Variants in IL1RAPL1 observed in about 807,000 individuals in gnomAD.
The protein encoded by IL1RAPL1 is interleukin 1 receptor accessory protein like 1.
IL1RAPL1 carries 3 observed loss-of-function variants against 48.4 expected under a neutral mutation model. That is an observed-to-expected ratio of 0.06 (90% CI 0.03 to 0.16). IL1RAPL1 has a LOEUF of 0.16. Among genes scored for constraint, IL1RAPL1 ranks in the 10% least tolerant of loss-of-function variants. The pLI, the probability that IL1RAPL1 is intolerant of heterozygous loss-of-function variation, is 1.00. For missense variants in IL1RAPL1, 349 were observed against 530.6 expected (o/e 0.66, Z 3.36); for synonymous variants, 185 against 187.7 (o/e 0.99, Z 0.12).
intron 6 of IL1RAPL1, among the ~76,000 whole-genome samples, chrX:29,721,154 A>G (rs1179983678): frequency 9.3e-6 from 1 of 107,626 alleles, no homozygotes; most frequent in South Asian, 3.7e-4. Context: ...AAGCAAGAAC[A>G]CAATGACCGG....
chrX:28,969,722 G>T (rs888674160), intron 2 of IL1RAPL1, among the ~76,000 whole-genome samples: 1 of 108,553 alleles, frequency 9.2e-6, no homozygotes, highest in Non-Finnish European at 1.9e-5. Flanking sequence ...CTAAGAAATT[G>T]TATTCTTAGA....
At chrX:28,892,078 A>G (rs1370680916) in intron 2 of IL1RAPL1, among the ~76,000 whole-genome samples, 1 of 111,147 alleles carries the variant, frequency 9.0e-6, no homozygotes, top group Non-Finnish European at 1.9e-5. Flanking sequence ...CTGTGCTATT[A>G]TTGAATTATA....
rs187541532 is a variant in IL1RAPL1 at position 29,207,115 on chromosome X, G to A, written c.83-75823G>A. 3.3e-4 allele frequency among the ~76,000 whole-genome samples: 37 copies of A among 110,930 alleles called. No individual in the cohort carries two copies. The East Asian group carries it at 8.0e-3, about 24-fold the overall frequency. ...ATTGAAAGAGGGAATGGTACTGCAC[G>A]GCTAAATTTCAAAATTTTGTTCTGT... On this transcript the variant is annotated intron_variant, in intron 2 of 10. Coordinates refer to ENST00000378993, the MANE Select transcript of IL1RAPL1 (RefSeq NM_014271.4).
intron 3 of IL1RAPL1, among the ~76,000 whole-genome samples, chrX:29,323,754 T>A (rs1256579315): frequency 9.7e-5 from 4 of 41,069 alleles, no homozygotes; most frequent in African/African-American, 3.8e-4. Context: ...TATATATATA[T>A]ATATATATAT....
intron 5 of IL1RAPL1, among the ~76,000 whole-genome samples, chrX:29,634,062 A>G (rs1172864206): frequency 8.9e-6 from 1 of 112,001 alleles, no homozygotes; most frequent in African/African-American, 3.2e-5. Context: ...AAGAAGATTT[A>G]AGAAGGGTTA....
At chrX:29,648,370 G>T (rs1387723450) in intron 5 of IL1RAPL1, among the ~76,000 whole-genome samples, 2 of 111,826 alleles carry the variant, frequency 1.8e-5, no homozygotes, top group African/African-American at 3.3e-5. Flanking sequence ...CATGATTCAG[G>T]ATGGGTCCCA....
chrX:29,721,670 T>G (rs1426172283), intron 6 of IL1RAPL1, among the ~76,000 whole-genome samples: 1 of 111,749 alleles, frequency 8.9e-6, no homozygotes, highest in East Asian at 2.8e-4. Flanking sequence ...AATTTCACTC[T>G]TAAGTCACAA....
intron 6 of IL1RAPL1, among the ~76,000 whole-genome samples, chrX:29,871,066 C>A (rs1931789685): frequency 8.9e-6 from 1 of 112,131 alleles, no homozygotes; most frequent in East Asian, 2.8e-4. Context: ...CTTGCCTTTT[C>A]TAAATTTTAG....
intron 1 of IL1RAPL1, among the ~76,000 whole-genome samples, chrX:28,784,330 A>G (rs1936453081): frequency 8.9e-6 from 1 of 112,290 alleles, no homozygotes; most frequent in Non-Finnish European, 1.9e-5. Context: ...TAGTAATGGC[A>G]AAACTTTAAA....
chrX:29,723,737 T>C (rs1265346355), intron 6 of IL1RAPL1, among the ~76,000 whole-genome samples: 18 of 112,450 alleles, frequency 1.6e-4, no homozygotes, highest in Admixed American at 1.5e-3. Context: ...AGTAATGAAG[T>C]AGATAAACTT....
At chrX:29,520,074 C>T (rs367557829) in intron 5 of IL1RAPL1, among the ~76,000 whole-genome samples, 2 of 112,266 alleles carry the variant, frequency 1.8e-5, no homozygotes, top group Non-Finnish European at 3.8e-5. Context: ...ATTTCTACAA[C>T]AGTGCCTGGC....
Position 28,750,014 on chromosome X carries a change from A to ACGAT in IL1RAPL1, c.-24-39304_-24-39301dup, listed in dbSNP as rs1031573883. 4.6e-5 allele frequency among the ~76,000 whole-genome samples: 5 copies of ACGAT among 108,060 alleles called. No individual in the cohort carries two copies. The East Asian group carries it at 1.2e-3, about 25-fold the overall frequency. The allele number at this position is 108,060 out of a possible 115,157, so 93.8% of individuals were successfully genotyped here. A position where few individuals can be genotyped will look rare whatever the true frequency, so the allele number is the denominator to read the frequency against. On this transcript the variant is annotated intron_variant, in intron 1 of 10. Transcript: ENST00000378993. The stretch of plus-strand genomic sequence containing the variant: ...GTTACCCAGGCTGGAGTGCAGTGAC[A>ACGAT]CGATCTCTGCTTACTGCAACCTCCG...
intron 2 of IL1RAPL1, among the ~76,000 whole-genome samples, chrX:29,076,713 ATACT>A (rs774586660): frequency 5.9e-4 from 65 of 110,934 alleles, no homozygotes; most frequent in Admixed American, 8.7e-4. Flanking sequence ...AAATACGAAA[ATACT>A]TACCATTCTG....
intron 6 of IL1RAPL1, among the ~76,000 whole-genome samples, chrX:29,879,424 A>C (rs1402417768): frequency 1.9e-5 from 2 of 105,597 alleles, no homozygotes; most frequent in Admixed American, 2.1e-4. Flanking sequence ...ATTTGTGTAC[A>C]TGTGTATCTG....
At chrX:29,274,041 A>AT (rs1360213860) in intron 2 of IL1RAPL1, among the ~76,000 whole-genome samples, 1 of 111,373 alleles carries the variant, frequency 9.0e-6, no homozygotes, top group Admixed American at 9.6e-5. Flanking sequence ...TATCCCCATG[A>AT]TTTTTTCCTC....
At chrX:28,845,377 C>T (rs747232418) in intron 2 of IL1RAPL1, among the ~76,000 whole-genome samples, 4 of 109,916 alleles carry the variant, frequency 3.6e-5, no homozygotes, top group Non-Finnish European at 5.7e-5. Flanking sequence ...TTTAATTGTA[C>T]GTATTAAAAA....
At chrX:29,826,036 GA>G (rs1930732168) in intron 6 of IL1RAPL1, among the ~76,000 whole-genome samples, 1 of 111,226 alleles carries the variant, frequency 9.0e-6, no homozygotes. Context: ...TTGAGACTTG[GA>G]AAATGTGACT....
At chrX:28,949,620 T>C (rs1924396960) in intron 2 of IL1RAPL1, among the ~76,000 whole-genome samples, 1 of 111,254 alleles carries the variant, frequency 9.0e-6, no homozygotes, top group Non-Finnish European at 1.9e-5. Context: ...GACTTTTTAA[T>C]GATTGTCATT....
At chrX:29,322,557 G>A (rs1044543259) in intron 3 of IL1RAPL1, among the ~76,000 whole-genome samples, 2 of 112,210 alleles carry the variant, frequency 1.8e-5, no homozygotes, top group African/African-American at 3.2e-5. Flanking sequence ...GAGCCACCAC[G>A]CCCGGCTAAG....
Sources: allele counts gnomAD v4.1 joint callset (sites outside exome capture counted in the v4.1 genomes callset), GRCh38; gene constraint gnomAD v4.1.1; transcripts MANE v1.5; gene names NCBI Gene and HGNC (gene_info 2026-07-23, HGNC 2026-07-21).